The following ITPR2 variants were observed in gnomAD, a reference collection of about 807,000 sequenced individuals.
ITPR2 encodes inositol 1,4,5-trisphosphate-gated calcium channel ITPR2.
A neutral mutation model predicts 317.1 loss-of-function variants in ITPR2; 207 were observed. That is an observed-to-expected ratio of 0.65 (90% CI 0.58 to 0.73). The LOEUF (loss-of-function observed/expected upper bound fraction) is 0.73. Among genes scored for constraint, ITPR2 ranks in the 30% least tolerant of loss-of-function variants. The pLI is 0.00. For synonymous variants in ITPR2, 1,156 were observed against 1,149.1 expected (o/e 1.01, Z -0.12); for missense variants, 2,613 against 3,284.0 (o/e 0.80, Z 4.99).
chr12:26,362,081 C>T (rs1938847807), intron 55 of ITPR2, among the ~76,000 whole-genome samples: 1 of 152,134 alleles, frequency 6.6e-6, no homozygotes, highest in Admixed American at 6.5e-5. Flanking sequence ...TTGTGATATG[C>T]CCAGCTTGCA....
chr12:26,779,005 C>T (rs1383272282), intron 2 of ITPR2, among the ~76,000 whole-genome samples: 2 of 152,194 alleles, frequency 1.3e-5, no homozygotes, highest in Non-Finnish European at 2.9e-5. Flanking sequence ...TACTCCAACT[C>T]ATTTATTGAG....
At chr12:26,620,186 A>G (rs1389533062) in intron 26 of ITPR2, among the ~76,000 whole-genome samples, 1 of 152,246 alleles carries the variant, frequency 6.6e-6, no homozygotes, top group Non-Finnish European at 1.5e-5. Flanking sequence ...AAAAGCCAAA[A>G]GGGAAATAAA....
chr12:26,672,633 T>C (rs1436625745), intron 13 of ITPR2, among the ~76,000 whole-genome samples: 1 of 150,566 alleles, frequency 6.6e-6, no homozygotes, highest in African/African-American at 2.4e-5. Flanking sequence ...ACATCACAAT[T>C]AAAAGAACTA....
chr12:26,709,068 T>G (rs1355571138), intron 9 of ITPR2, among the ~76,000 whole-genome samples: 1 of 152,126 alleles, frequency 6.6e-6, no homozygotes, highest in Admixed American at 6.6e-5. Context: ...TTCACACCAG[T>G]AAGGACAAGC....
intron 34 of ITPR2, among the ~76,000 whole-genome samples, chr12:26,577,710 A>G (rs11048588): frequency 0.27 from 40,842 of 152,130 alleles, 6,204 homozygotes; most frequent in Non-Finnish European, 0.35. Flanking sequence ...AATCAAAATC[A>G]GGGCTGTCAC....
At chr12:26,488,237 G>A (rs1565555712) in intron 39 of ITPR2, among the ~76,000 whole-genome samples, 1 of 152,062 alleles carries the variant, frequency 6.6e-6, no homozygotes, top group African/African-American at 2.4e-5. Context: ...TAACTGTAGT[G>A]AATAAAAGAG....
intron 45 of ITPR2, among the ~76,000 whole-genome samples, chr12:26,474,793 CAAAAA>C (rs10616680): frequency 7.1e-5 from 6 of 84,080 alleles, no homozygotes; most frequent in African/African-American, 2.5e-4. Context: ...GACTCCGTCT[CAAAAA>C]AAAAAAAAAA....
intron 49 of ITPR2, 55 bp downstream of exon 49, chr12:26,427,858 T>G: frequency 8.6e-7 from 1 of 1,157,246 alleles, no homozygotes; most frequent in Non-Finnish European, 1.1e-6. Flanking sequence ...ATTTTTATAT[T>G]TCATACACTT....
chr12:26,789,646 T>C (rs937045368), intron 2 of ITPR2, among the ~76,000 whole-genome samples: 2 of 152,234 alleles, frequency 1.3e-5, no homozygotes, highest in Non-Finnish European at 2.9e-5. Context: ...CTTACTAGGA[T>C]CAATTTCTCA....
intron 37 of ITPR2, among the ~76,000 whole-genome samples, chr12:26,511,799 C>T (rs1943354425): frequency 6.6e-6 from 1 of 152,210 alleles, no homozygotes; most frequent in Admixed American, 6.5e-5. Context: ...GCATAGACAG[C>T]TGGAGGCTGG....
chr12:26,778,779 G>A (rs576794504), intron 2 of ITPR2, among the ~76,000 whole-genome samples: 22 of 152,304 alleles, frequency 1.4e-4, no homozygotes, highest in East Asian at 3.9e-4. Context: ...AGACATTTGC[G>A]TGCCAGAGAA....
At chr12:26,543,409 G>T (rs903371523) in intron 37 of ITPR2, among the ~76,000 whole-genome samples, 3 of 152,010 alleles carry the variant, frequency 2.0e-5, no homozygotes, top group African/African-American at 7.3e-5. Context: ...GAGAGAGAGA[G>T]GAGAGAGAGG....
At chr12:26,484,273 G>GA (rs962785271) in intron 41 of ITPR2, among the ~76,000 whole-genome samples, 1 of 147,570 alleles carries the variant, frequency 6.8e-6, no homozygotes, top group Non-Finnish European at 1.5e-5. Flanking sequence ...CGGAAAAAGA[G>GA]AAAAAAAAAC....
At chr12:26,455,344 TAAAAAA>T (rs10687003) in intron 45 of ITPR2, among the ~76,000 whole-genome samples, 2 of 66,358 alleles carry the variant, frequency 3.0e-5, no homozygotes, top group African/African-American at 5.9e-5. Flanking sequence ...CAACAGCTGC[TAAAAAA>T]AAAAAAAAAA....
At chr12:26,535,242 C>T (rs1009144193) in intron 37 of ITPR2, among the ~76,000 whole-genome samples, 1 of 152,112 alleles carries the variant, frequency 6.6e-6, no homozygotes, top group Non-Finnish European at 1.5e-5. Flanking sequence ...CTAGAGGTAA[C>T]ATTAAAATAA....
chr12:26,543,555 C>T (rs1056168658), intron 37 of ITPR2, among the ~76,000 whole-genome samples: 1 of 152,120 alleles, frequency 6.6e-6, no homozygotes, highest in African/African-American at 2.4e-5. Context: ...AGGTGGATTG[C>T]TTGAGGTCAG....
At chr12:26,775,933 C>CATATATACATATAT (rs1555189729) in intron 2 of ITPR2, among the ~76,000 whole-genome samples, 13 of 85,392 alleles carry the variant, frequency 1.5e-4, no homozygotes, top group Non-Finnish European at 3.0e-4. Context: ...CTCCCCTTTA[C>CATATATACATATAT]ATATATATAT....
chr12:26,781,117 AC>A (rs1950067813), intron 2 of ITPR2, among the ~76,000 whole-genome samples: 1 of 152,214 alleles, frequency 6.6e-6, no homozygotes, highest in Non-Finnish European at 1.5e-5. Context: ...AGAAACTAAA[AC>A]AGCCCAATCC....
At chr12:26,790,584 C>T (rs1827710765) in intron 1 of ITPR2, among the ~76,000 whole-genome samples, 1 of 117,344 alleles carries the variant, frequency 8.5e-6, no homozygotes, top group Admixed American at 1.1e-4. Context: ...TACATATATG[C>T]TTACACACAC....
Sources: gnomAD v4.1 joint callset for allele counts (sites outside exome capture counted in the v4.1 genomes callset) on GRCh38, gnomAD v4.1.1 for gene constraint, MANE v1.5 for transcripts, NCBI Gene and HGNC (gene_info 2026-07-23, HGNC 2026-07-21) for gene names.